Variants in DSE observed in about 807,000 individuals in gnomAD.
DSE encodes the protein dermatan sulfate epimerase.
DSE carries 36 observed loss-of-function variants against 84.4 expected under a neutral mutation model. The observed-to-expected ratio is 0.43, with a 90% confidence interval of 0.33 to 0.56. The LOEUF is 0.56. DSE is among the 20% of genes least tolerant of loss of function. The pLI is 0.06. For missense variants in DSE, 862 were observed against 1,169.6 expected (o/e 0.74, Z 3.84); for synonymous variants, 410 against 430.1 (o/e 0.95, Z 0.58).
intron 2 of DSE, chr6:116,400,343 C>T (rs1429983477): frequency 6.6e-6 from 1 of 152,134 alleles, no homozygotes; most frequent in Non-Finnish European, 1.5e-5. Flanking sequence ...GTTGATTAAA[C>T]AAGGGATTCT....
At chr6:116,332,086 T>C (rs1776979793) in intron 2 of DSE, among the ~76,000 whole-genome samples, 1 of 152,226 alleles carries the variant, frequency 6.6e-6, no homozygotes, top group Middle Eastern at 3.2e-3. Context: ...TTAAACTCAA[T>C]TCTAATCTCG....
chr6:116,305,354 A>G (rs972534717), intron 2 of DSE, among the ~76,000 whole-genome samples: 2 of 152,150 alleles, frequency 1.3e-5, no homozygotes, highest in Non-Finnish European at 2.9e-5. Flanking sequence ...ATTTTAAAAC[A>G]TATTGTTGCT....
chr6:116,256,647 A>T (rs1021836798), intron 1 of DSE: 1 of 152,208 alleles, frequency 6.6e-6, no homozygotes, highest in Non-Finnish European at 1.5e-5. Flanking sequence ...ACGACAGTAT[A>T]GTCCAGTTAC....
At chr6:116,259,037 C>G in intron 2 of DSE, 2 of 1,532,980 alleles carry the variant, frequency 1.3e-6, no homozygotes, top group Non-Finnish European at 1.8e-6. Flanking sequence ...ATGTGCACAT[C>G]ATCAGTGCTC....
In DSE at chr6:116,440,465, GT is replaced by G. The variant is rs1419226098; in HGVS notation, c.*3122del. 1.3e-5 allele frequency: 2 copies of G among 152,026 alleles called. No individual in the cohort carries two copies. Among genetic ancestry groups the G allele is most frequent in the Non-Finnish European group, 2.9e-5 (2 of 68,018 alleles). The allele number at this position is 152,026 out of a possible 1,614,324, so 9.4% of individuals were successfully genotyped here. On this transcript the variant is annotated 3_prime_UTR_variant, in exon 6 of 6. Coordinates refer to ENST00000644252, the MANE Select transcript of DSE (RefSeq NM_013352.4). Reference sequence around the variant, plus strand: ...GGCATAGGTCATCATGCCCGGCCAAGTTAAAAAAATTTTTGATAGTTCACAA... The same window carrying G: ...GGCATAGGTCATCATGCCCGGCCAAGTAAAAAAATTTTTGATAGTTCACAA...
rs556683826 is a variant in DSE at position 116,373,331 on chromosome 6, C to T, written c.-54+2210C>T. On this transcript the variant is annotated intron_variant, in intron 1 of 5. Transcript: ENST00000644252. ...TGAGCCGAGATTGTGCCACTGCACTCCAGCCTGAGCGACAGAAGAAGACTC... is the reference window on the plus strand; with the variant it reads ...TGAGCCGAGATTGTGCCACTGCACTTCAGCCTGAGCGACAGAAGAAGACTC... Among the ~76,000 whole-genome samples the T allele has an allele frequency of 7.9e-5, 12 of 152,258 alleles. No homozygotes were observed. In the East Asian group the frequency reaches 1.2e-3, roughly 15 times the overall value.
At chr6:116,278,546 G>A in intron 2 of DSE, 1 of 1,614,120 alleles carries the variant, frequency 6.2e-7, no homozygotes, top group Non-Finnish European at 8.5e-7. Context: ...AAGGGCCTGG[G>A]GATCTCTACA....
chr6:116,343,042 C>T (rs1777711516), intron 2 of DSE, among the ~76,000 whole-genome samples: 1 of 152,210 alleles, frequency 6.6e-6, no homozygotes, highest in African/African-American at 2.4e-5. Context: ...GAGCCTCACT[C>T]ACTGCTAGCA....
intron 2 of DSE, among the ~76,000 whole-genome samples, chr6:116,342,836 C>T (rs1316827277): frequency 6.6e-6 from 1 of 152,188 alleles, no homozygotes; most frequent in Non-Finnish European, 1.5e-5. Flanking sequence ...GCCCACGGAG[C>T]AGGGCGGGGC....
Position 116,399,181 on chromosome 6 carries a change from CT to C in DSE, c.-53-12del. ...CCTTGGCTGACAGACACTTTTTTTC[CT>C]TTTTATCTCACGTAGGATCTTTCGA... On this transcript the variant is annotated splice_polypyrimidine_tract_variant and intron_variant, in intron 1 of 5. Transcript: ENST00000644252. 6.3e-7 allele frequency: 1 copy of C among 1,592,926 alleles called. No individual in the cohort carries two copies.
At chr6:116,404,298 C>G (rs905795270) in intron 2 of DSE, among the ~76,000 whole-genome samples, 2 of 152,210 alleles carry the variant, frequency 1.3e-5, no homozygotes, top group Non-Finnish European at 2.9e-5. Flanking sequence ...CCATATTTCA[C>G]TTAATAATAT....
intron 2 of DSE, among the ~76,000 whole-genome samples, chr6:116,344,759 A>G (rs1777842867): frequency 1.3e-5 from 2 of 152,246 alleles, no homozygotes; most frequent in African/African-American, 4.8e-5. Context: ...GACAGGATCA[A>G]ATTCACACAT....
upstream of DSE, chr6:116,370,547 GA>G: frequency 1.2e-5 from 12 of 977,714 alleles, no homozygotes; most frequent in Non-Finnish European, 1.5e-5. Flanking sequence ...GAGTAGTATG[GA>G]AGCATCAGCT....
intron 2 of DSE, among the ~76,000 whole-genome samples, chr6:116,311,860 C>G (rs1282809210): frequency 2.6e-5 from 4 of 152,116 alleles, no homozygotes; most frequent in Admixed American, 6.6e-5. Flanking sequence ...TTATCACCAT[C>G]CAAAATTACA....
intron 2 of DSE, among the ~76,000 whole-genome samples, chr6:116,303,693 A>C (rs922985199): frequency 5.3e-5 from 8 of 152,126 alleles, no homozygotes; most frequent in African/African-American, 1.9e-4. Context: ...GGTAGGCCCT[A>C]TTCTTAAAAA....
chr6:116,318,350 C>CA (rs59859952), intron 2 of DSE, among the ~76,000 whole-genome samples: 33,708 of 151,862 alleles, frequency 0.22, 5,130 homozygotes, highest in African/African-American at 0.43. Flanking sequence ...ACTAAAAATA[C>CA]AAAAAATTAA....
Position 116,299,551 on chromosome 6 carries a change from T to TATACACAC in DSE, c.-54+40585_-54+40586insTACACACA, listed in dbSNP as rs1554209343. Among the ~76,000 whole-genome samples, 21 of 53,670 alleles carry TATACACAC rather than the reference T, an allele frequency of 3.9e-4. 1 individual carries two copies. The highest frequency in any genetic ancestry group is 4.7e-4 in the Non-Finnish European group (16 of 34,092). The allele number at this position is 53,670 out of a possible 152,430, so 35.2% of individuals were successfully genotyped here. A position where few individuals can be genotyped will look rare whatever the true frequency, so the allele number is the denominator to read the frequency against. ...ATATATATATATATATATATATATA[T>TATACACAC]ACACATACACACACACACACACATA... On this transcript the variant is annotated intron_variant, in intron 2 of 3. Transcript: ENST00000430252.
At chr6:116,342,303 G>A (rs2501049) in intron 2 of DSE, among the ~76,000 whole-genome samples, 1,521 of 121,886 alleles carry the variant, frequency 0.012, 39 homozygotes, top group African/African-American at 0.046. Context: ...TTTTCGAGAT[G>A]GAGTCTTGCT....
rs1331408161 is a variant in DSE, at chr6:116,444,672, A to G, written c.*7327A>G. 1 of 152,182 alleles carries G rather than the reference A, an allele frequency of 6.6e-6. No homozygotes were observed. The highest frequency in any genetic ancestry group is 2.4e-5 in the African/African-American group (1 of 41,438). 9.4% of individuals were successfully genotyped at this position (152,182 alleles called of 1,614,324 possible). On this transcript the variant is annotated 3_prime_UTR_variant, in exon 6 of 6. Transcript: ENST00000644252. The stretch of plus-strand genomic sequence containing the variant: ...TGAAGGTGGAGCCCTCGTGAATGGG[A>G]GTAGTATCCTTATAAAAGATACCCC...
Sources: gnomAD v4.1 joint callset for allele counts (sites outside exome capture counted in the v4.1 genomes callset) on GRCh38, gnomAD v4.1.1 for gene constraint, MANE v1.5 for transcripts, NCBI Gene and HGNC (gene_info 2026-07-23, HGNC 2026-07-21) for gene names.